Variants in EEF1AKMT1 observed in about 807,000 individuals in gnomAD.
EEF1AKMT1 encodes the protein N-6 adenine-specific DNA methyltransferase 2 (putative).
In EEF1AKMT1, 18 loss-of-function variants were observed where a neutral mutation model predicts 21.0. That is an observed-to-expected ratio of 0.86 (90% confidence interval 0.59 to 1.27). The LOEUF is 1.27. Ranked by LOEUF, EEF1AKMT1 falls within the 50% of genes most tolerant of loss-of-function variation. The pLI is 0.00. For missense variants in EEF1AKMT1, 246 were observed against 258.6 expected, an observed-to-expected ratio of 0.95 and a Z score of 0.33; for synonymous variants, 109 against 94.8, an observed-to-expected ratio of 1.15 and a Z score of -0.87.
chr13:20,738,963 T>G (rs1031539135), intron 2 of EEF1AKMT1, among the ~76,000 whole-genome samples: 14 of 152,216 alleles, frequency 9.2e-5, no homozygotes, highest in Non-Finnish European at 5.9e-5. Context: ...AGAATGAAGC[T>G]GTGGACCCTC....
intron 2 of EEF1AKMT1, among the ~76,000 whole-genome samples, chr13:20,738,612 A>C (rs1183770960): frequency 2.0e-5 from 3 of 152,212 alleles, no homozygotes; most frequent in Non-Finnish European, 4.4e-5. Context: ...TGGATAGAAA[A>C]AATGTGGTAC....
intron 1 of EEF1AKMT1, among the ~76,000 whole-genome samples, chr13:20,773,591 A>C (rs1595035468): frequency 6.6e-6 from 1 of 152,230 alleles, no homozygotes; most frequent in Non-Finnish European, 1.5e-5. Flanking sequence ...GGAGGCCTCC[A>C]CGCGCTGCCG....
At chr13:20,737,141 G>A (rs1266582958) in intron 3 of EEF1AKMT1, among the ~76,000 whole-genome samples, 1 of 151,986 alleles carries the variant, frequency 6.6e-6, no homozygotes, top group African/African-American at 2.4e-5. Context: ...TGAGGCAGGT[G>A]GATCACAAGG....
At chr13:20,737,246 C>T (rs1340752325) in intron 3 of EEF1AKMT1, among the ~76,000 whole-genome samples, 1 of 151,952 alleles carries the variant, frequency 6.6e-6, no homozygotes, top group Admixed American at 6.6e-5. Context: ...TGCCTGTAGT[C>T]CCAGCTGCCT....
chr13:20,766,298 C>CAAAAAAAA (rs35866979), intron 1 of EEF1AKMT1, among the ~76,000 whole-genome samples: 22 of 76,682 alleles, frequency 2.9e-4, no homozygotes, highest in Non-Finnish European at 3.4e-4. Context: ...GACTCCATCT[C>CAAAAAAAA]AAAAAAAAAA....
chr13:20,764,317 G>T (rs77870077), intron 1 of EEF1AKMT1, among the ~76,000 whole-genome samples: 4,643 of 152,168 alleles, frequency 0.031, 249 homozygotes, highest in African/African-American at 0.11. Flanking sequence ...TATTTAGAAG[G>T]ACACTGTTTA....
At chr13:20,754,359 T>C (rs1032577869) in intron 2 of EEF1AKMT1, among the ~76,000 whole-genome samples, 3 of 152,122 alleles carry the variant, frequency 2.0e-5, no homozygotes, top group African/African-American at 7.2e-5. Flanking sequence ...GTTAGTCTGA[T>C]GAAGTTTCCC....
intron 1 of EEF1AKMT1, among the ~76,000 whole-genome samples, chr13:20,764,815 T>C (rs1396008256): frequency 1.4e-5 from 2 of 146,180 alleles, no homozygotes; most frequent in South Asian, 4.4e-4. Context: ...CTGCTATCAA[T>C]AAAAGTGCTC....
At chr13:20,735,127 G>A (rs58937454) in intron 3 of EEF1AKMT1, among the ~76,000 whole-genome samples, 24,697 of 152,120 alleles carry the variant, frequency 0.16, 2,410 homozygotes, top group African/African-American at 0.27. Flanking sequence ...ACCTGCAATG[G>A]CCGAATCCTA....
chr13:20,730,390 G>T (rs1937659100), intron 4 of EEF1AKMT1, among the ~76,000 whole-genome samples: 2 of 152,216 alleles, frequency 1.3e-5, no homozygotes, highest in Admixed American at 6.5e-5. Flanking sequence ...GGTGCCCAGG[G>T]GACAAGCGCG....
At chr13:20,734,862 T>C (rs574581053) in intron 3 of EEF1AKMT1, among the ~76,000 whole-genome samples, 6 of 152,062 alleles carry the variant, frequency 3.9e-5, no homozygotes, top group Non-Finnish European at 7.4e-5. Flanking sequence ...AAAAACCTAC[T>C]AAACCACTAC....
At chr13:20,763,980 T>G (rs1420067081) in intron 1 of EEF1AKMT1, among the ~76,000 whole-genome samples, 1 of 152,194 alleles carries the variant, frequency 6.6e-6, no homozygotes, top group African/African-American at 2.4e-5. Flanking sequence ...ATTTCATTCC[T>G]AATGTCAGTA....
At chr13:20,739,062 G>A (rs1405861618) in intron 2 of EEF1AKMT1, among the ~76,000 whole-genome samples, 1 of 152,122 alleles carries the variant, frequency 6.6e-6, no homozygotes, top group Non-Finnish European at 1.5e-5. Flanking sequence ...TCCTCCTGGG[G>A]GGGTCGTGGT....
Position 20,762,020 on chromosome 13 carries a change from A to G in EEF1AKMT1, c.-19-4403T>C, listed in dbSNP as rs80347952. Among the ~76,000 whole-genome samples the G allele has an allele frequency of 2.7e-3, 410 of 152,204 alleles. 5 individuals carry two copies. The highest frequency in any genetic ancestry group is 0.01 in the East Asian group (53 of 5,182). On this transcript the variant is annotated intron_variant, in intron 1 of 4. Coordinates refer to ENST00000382758, the MANE Select transcript of EEF1AKMT1 (RefSeq NM_001318939.2). ...GAGGCTGTGGTGGGAGGATCACTTG[A>G]GTCTGGAGGCATAGGATGCAGTGAG...
chr13:20,748,715 G>GGTTTTTTGT (rs1555326495), intron 2 of EEF1AKMT1, among the ~76,000 whole-genome samples: 1 of 105,810 alleles, frequency 9.5e-6, no homozygotes, highest in African/African-American at 3.7e-5. Flanking sequence ...ATGTATAGTT[G>GGTTTTTTGT]TTTTTTTTTG....
intron 2 of EEF1AKMT1, among the ~76,000 whole-genome samples, chr13:20,749,729 G>A (rs1028902297): frequency 3.3e-5 from 5 of 151,988 alleles, no homozygotes; most frequent in African/African-American, 9.7e-5. Flanking sequence ...AAAAGAAAAG[G>A]AAAAATAATT....
chr13:20,728,918 A>G lies in EEF1AKMT1; in HGVS notation c.*162T>C. ...ACTGAGCTCTAGGGACGCCCTCCCT[A>G]AGGAAACAATAATGAAGATCGCACA... On this transcript the variant is annotated 3_prime_UTR_variant, in exon 5 of 5. Coordinates refer to ENST00000382758, the MANE Select transcript of EEF1AKMT1 (RefSeq NM_001318939.2). 1 of 892,192 alleles carries G rather than the reference A, an allele frequency of 1.1e-6. No homozygotes were observed. Among genetic ancestry groups the G allele is most frequent in the Non-Finnish European group, 1.7e-6 (1 of 586,294 alleles). 55.3% of individuals were successfully genotyped at this position (892,192 alleles called of 1,614,324 possible).
At position 20,729,146 on chromosome 13, in the gene EEF1AKMT1, GGT is replaced by G. The variant is rs1178476656; in HGVS notation, c.577_578del (p.Thr193ProfsTer6). On this transcript the variant is annotated frameshift_variant, in exon 5 of 5. Transcript: ENST00000382758. LOFTEE classifies it high-confidence loss of function. ...AGCGAAACTCATTTGCCAAGTTCCG[GGT>G]GTGTCTTGGAACAAACGTGCACATC... ...VKMCTFVPRH[T>X]RNLANEFRCY... The G allele has an allele frequency of 2.5e-6, 4 of 1,614,140 alleles. No homozygotes were observed. Among genetic ancestry groups the G allele is most frequent in the Non-Finnish European group, 3.4e-6 (4 of 1,180,030 alleles).
In EEF1AKMT1 at chr13:20,748,066, T is replaced by A. The variant is rs61955733; in HGVS notation, c.144+9389A>T. On this transcript the variant is annotated intron_variant, in intron 2 of 4. Transcript: ENST00000382758. ...TCTCCTTGGGCAGTCATCATGATGT[T>A]CCTTCCAGAATCGTCTTTGTGCCTG... is the stretch of plus-strand genomic sequence containing the variant. 573 of 182,574 alleles carry A rather than the reference T, an allele frequency of 3.1e-3. 8 individuals are homozygous for A. In the South Asian group the frequency reaches 0.032, roughly 10 times the overall value. The allele number at this position is 182,574 out of a possible 1,614,324, so 11.3% of individuals were successfully genotyped here.
Sources: allele counts gnomAD v4.1 joint callset (sites outside exome capture counted in the v4.1 genomes callset), GRCh38; gene constraint gnomAD v4.1.1; transcripts MANE v1.5; gene names NCBI Gene and HGNC (gene_info 2026-07-23, HGNC 2026-07-21).